DENND6A: variants seen among roughly 807,000 people sequenced by gnomAD.
The protein encoded by DENND6A is protein DENND6A.
A neutral mutation model predicts 95.5 loss-of-function variants in DENND6A; 43 were observed. That is an observed-to-expected ratio of 0.45 (90% CI 0.35 to 0.58). The LOEUF is 0.58. DENND6A is among the 20% of genes least tolerant of loss of function. DENND6A has a pLI of 0.00. For missense variants in DENND6A, 574 were observed against 736.0 expected (o/e 0.78, Z 2.55); for synonymous variants, 257 against 260.4 (o/e 0.99, Z 0.13).
At position 57,633,208 on chromosome 3, in the gene DENND6A, A is replaced by G. The variant is rs2153412198; in HGVS notation, c.1353+57T>C. 3 of 1,433,192 alleles carry G rather than the reference A, an allele frequency of 2.1e-6. No individual in the cohort carries two copies. In the South Asian group the frequency reaches 3.5e-5, roughly 17 times the overall value. The allele number at this position is 1,433,192 out of a possible 1,614,324, so 88.8% of individuals were successfully genotyped here. ...TATGGTTTTGGAGGGCGGGAAAAAC[A>G]TTTATATACCCTTCACCAAATCATT... On this transcript the variant is annotated intron_variant, in intron 15 of 19. Transcript: ENST00000311128.
intron 12 of DENND6A, 53 bp from the exon 13 acceptor site, chr3:57,634,822 A>T (rs2070757940): frequency 7.2e-7 from 1 of 1,392,154 alleles, no homozygotes; most frequent in Non-Finnish European, 9.6e-7. Context: ...TACATATTAC[A>T]AAATTGGAAC....
chr3:57,689,211 C>T (rs1209791210), intron 1 of DENND6A, among the ~76,000 whole-genome samples: 1 of 151,894 alleles, frequency 6.6e-6, no homozygotes, highest in East Asian at 1.9e-4. Context: ...CCTCGGCCTC[C>T]CAAAGTGCTG....
intron 5 of DENND6A, 125 bp from the exon 6 acceptor site, chr3:57,661,676 G>A (rs968277889): frequency 2.8e-6 from 2 of 707,376 alleles, no homozygotes; most frequent in East Asian, 6.3e-5. Flanking sequence ...TTTTACAGTG[G>A]ATAGTTAAAA....
In DENND6A at chr3:57,628,190, T is replaced by C; in HGVS notation, c.*24A>G. 7.5e-6 allele frequency: 12 copies of C among 1,608,072 alleles called. No homozygotes were observed. Among genetic ancestry groups the C allele is most frequent in the Non-Finnish European group, 1.0e-5 (12 of 1,176,808 alleles). ...TATGCTTCATGATGCATAATCCTTT[T>C]TGGCTGGAAAATCTTGGCAAATATC... On this transcript the variant is annotated 3_prime_UTR_variant, in exon 20 of 20. Coordinates refer to ENST00000311128, the MANE Select transcript of DENND6A (RefSeq NM_152678.3).
At chr3:57,662,239 G>A (rs1470203563) in intron 5 of DENND6A, among the ~76,000 whole-genome samples, 3 of 118,454 alleles carry the variant, frequency 2.5e-5, no homozygotes, top group Non-Finnish European at 4.8e-5. Context: ...CACCCAGGCT[G>A]CAGTGCAATG....
chr3:57,628,135 TCTC>T lies in DENND6A; in HGVS notation c.*76_*78del. 6.5e-7 allele frequency: 1 copy of T among 1,541,168 alleles called. No individual in the cohort carries two copies. Among genetic ancestry groups the T allele is most frequent in the East Asian group, 2.3e-5 (1 of 44,076 alleles). On this transcript the variant is annotated 3_prime_UTR_variant, in exon 20 of 20. Coordinates refer to ENST00000311128, the MANE Select transcript of DENND6A (RefSeq NM_152678.3). The stretch of plus-strand genomic sequence containing the variant: ...TTTCCACTCCGCTGCCACTGAGAGA[TCTC>T]CTTTGTGCGTCTGGTTGAAATGTCA...
chr3:57,673,247 A>G (rs1206845054), intron 1 of DENND6A, among the ~76,000 whole-genome samples: 2 of 151,606 alleles, frequency 1.3e-5, no homozygotes, highest in African/African-American at 4.8e-5. Flanking sequence ...GAAAAAGAAA[A>G]AAAAAAAATA....
intron 12 of DENND6A, among the ~76,000 whole-genome samples, chr3:57,636,055 A>G (rs1270745940): frequency 3.3e-5 from 5 of 152,212 alleles, no homozygotes; most frequent in Admixed American, 2.6e-4. Context: ...TAATACATAA[A>G]ACATACAAAA....
At chr3:57,673,251 A>T (rs2071651727) in intron 1 of DENND6A, among the ~76,000 whole-genome samples, 1 of 151,716 alleles carries the variant, frequency 6.6e-6, no homozygotes, top group African/African-American at 2.4e-5. Context: ...AAGAAAAAAA[A>T]AAAATAATGA....
chr3:57,659,586 CT>C (rs1427937716), intron 7 of DENND6A, among the ~76,000 whole-genome samples: 1 of 152,174 alleles, frequency 6.6e-6, no homozygotes, highest in Non-Finnish European at 1.5e-5. Flanking sequence ...ATCAGTATTA[CT>C]TTTGATGATT....
At chr3:57,650,675 G>A (rs1393838922) in intron 9 of DENND6A, among the ~76,000 whole-genome samples, 1 of 152,066 alleles carries the variant, frequency 6.6e-6, no homozygotes, top group Non-Finnish European at 1.5e-5. Context: ...ACACAAAGAC[G>A]TATACACAAA....
intron 8 of DENND6A, 132 bp downstream of exon 8, chr3:57,658,986 T>G (rs1228264371): frequency 1.3e-6 from 1 of 764,870 alleles, no homozygotes; most frequent in East Asian, 2.8e-5. Flanking sequence ...TCATTAAAAA[T>G]TATTTAATGG....
chr3:57,646,454 CA>C lies in DENND6A; in HGVS notation c.819-17del, dbSNP rs1456900848. On this transcript the variant is annotated splice_polypyrimidine_tract_variant and intron_variant, in intron 9 of 19. Transcript: ENST00000311128. ...GCAGAAACACCTGAAAGGTGATGCA[CA>C]GTAGAAATACTTTTTAATGTAGCCA... 9 of 1,598,846 alleles carry C rather than the reference CA, an allele frequency of 5.6e-6. No homozygotes were observed. Among genetic ancestry groups the C allele is most frequent in the Non-Finnish European group, 6.8e-6 (8 of 1,175,266 alleles).
At chr3:57,669,282 C>T (rs6445923) in intron 3 of DENND6A, among the ~76,000 whole-genome samples, 114,014 of 151,970 alleles carry the variant, frequency 0.75, 44,806 homozygotes, top group East Asian at 1. Flanking sequence ...CTACCTAGGA[C>T]AATGATGATC....
intron 1 of DENND6A, among the ~76,000 whole-genome samples, chr3:57,680,237 T>C (rs1396468776): frequency 6.6e-6 from 1 of 152,196 alleles, no homozygotes; most frequent in African/African-American, 2.4e-5. Context: ...AATTAGGCAA[T>C]GTTTTCTTAG....
At chr3:57,664,579 A>G (rs1184664055) in intron 4 of DENND6A, among the ~76,000 whole-genome samples, 1 of 152,188 alleles carries the variant, frequency 6.6e-6, no homozygotes, top group Non-Finnish European at 1.5e-5. Flanking sequence ...TCATGCCTGT[A>G]ATCCCAGCAG....
chr3:57,648,594 A>G (rs1277276723), intron 9 of DENND6A, among the ~76,000 whole-genome samples: 1 of 152,186 alleles, frequency 6.6e-6, no homozygotes, highest in East Asian at 1.9e-4. Context: ...TCTGGAAGCA[A>G]TACATTATCT....
In DENND6A at chr3:57,626,384, A is replaced by C. The variant is rs1358707505; in HGVS notation, c.*1830T>G. 6.6e-6 allele frequency: 1 copy of C among 152,212 alleles called. No homozygotes were observed. Among genetic ancestry groups the C allele is most frequent in the Non-Finnish European group, 1.5e-5 (1 of 68,042 alleles). 9.4% of individuals were successfully genotyped at this position (152,212 alleles called of 1,614,324 possible). ...AGGATAATTCAAGACACAGCTATTA[A>C]CCACATGCTGTGTCATGTGTGCCTA... On this transcript the variant is annotated 3_prime_UTR_variant, in exon 20 of 20. Transcript: ENST00000311128.
chr3:57,654,613 T>C, intron 9 of DENND6A: 1 of 982,080 alleles, frequency 1.0e-6, no homozygotes, highest in African/African-American at 1.7e-5. Context: ...AATGTCTATT[T>C]CTTTCAACAG....
Sources: gnomAD v4.1 joint callset for allele counts (sites outside exome capture counted in the v4.1 genomes callset) on GRCh38, gnomAD v4.1.1 for gene constraint, MANE v1.5 for transcripts, NCBI Gene and HGNC (gene_info 2026-07-23, HGNC 2026-07-21) for gene names.